DMXL1: variants seen among roughly 807,000 people sequenced by gnomAD.
DMXL1 encodes the protein Dmx like 1.
A neutral mutation model predicts 319.2 loss-of-function variants in DMXL1; 99 were observed. The observed-to-expected ratio is 0.31, with a 90% CI of 0.26 to 0.37. The LOEUF (loss-of-function observed/expected upper bound fraction) is 0.37. Among genes scored for constraint, DMXL1 ranks in the 10% least tolerant of loss-of-function variants. DMXL1 has a pLI of 1.00. For synonymous variants in DMXL1, 1,385 were observed against 1,235.2 expected (o/e 1.12, Z -2.54); for missense variants, 3,745 against 3,595.6 (o/e 1.04, Z -1.06).
chr5:119,133,166 T>C lies in DMXL1; in HGVS notation c.1350T>C (p.Asn450=). ...TDDGVDDLKI[N]PEKKELGCDK... ...ATGGTGTTGATGATCTGAAAATAAA[T>C]CCCGAAAAGAAGGAATTAGGCTGTG... Residue 450 remains asparagine (N), a synonymous_variant, in exon 11 of 44, where the codon AAT becomes AAC. Coordinates refer to ENST00000539542, the MANE Select transcript of DMXL1 (RefSeq NM_001290321.3). 6.2e-7 allele frequency: 1 copy of C among 1,614,112 alleles called. No homozygotes were observed. The highest frequency in any genetic ancestry group is 1.3e-5 in the African/African-American group (1 of 75,044).
intron 19 of DMXL1, among the ~76,000 whole-genome samples, chr5:119,153,342 C>G (rs1232562222): frequency 1.3e-5 from 2 of 152,016 alleles, no homozygotes; most frequent in Non-Finnish European, 2.9e-5. Context: ...TTATAGGGTA[C>G]AAAGTAATGT....
intron 19 of DMXL1, among the ~76,000 whole-genome samples, chr5:119,163,236 A>G (rs982020397): frequency 3.9e-5 from 6 of 152,152 alleles, no homozygotes; most frequent in African/African-American, 1.4e-4. Flanking sequence ...GATTATTTGC[A>G]TTTTTTACAT....
chr5:119,114,776 C>G (rs1472258946), intron 6 of DMXL1, among the ~76,000 whole-genome samples: 1 of 152,142 alleles, frequency 6.6e-6, no homozygotes, highest in African/African-American at 2.4e-5. Context: ...TAAAGCGATT[C>G]TCCTGCCTCA....
chr5:119,146,352 C>G (rs1768531046), intron 15 of DMXL1, among the ~76,000 whole-genome samples: 1 of 151,830 alleles, frequency 6.6e-6, no homozygotes, highest in Non-Finnish European at 1.5e-5. Context: ...AACTCGTGTG[C>G]TGTTTATGCA....
At chr5:119,152,165 A>G (rs1769946691) in intron 19 of DMXL1, 129 bp downstream of exon 19, 1 of 614,320 alleles carries the variant, frequency 1.6e-6, no homozygotes, top group Non-Finnish European at 2.8e-6. Context: ...AGTTTCCTTT[A>G]TTTGTTAAAA....
Position 119,110,218 on chromosome 5 carries a change from T to G in DMXL1, c.432T>G (p.Thr144=). Reference sequence around the variant, plus strand: ...CCAATACTAACTTGGAGAAGCCAACTGAAGATGAAAATTTAAATAAAACAG... The same window carrying G: ...CCAATACTAACTTGGAGAAGCCAACGGAAGATGAAAATTTAAATAAAACAG... ...LWSNTNLEKP[T]EDENLNKTDL... is the part of the protein sequence containing the mutation. Residue 144 remains threonine (T), a synonymous_variant, in exon 5 of 44, where the codon ACT becomes ACG. Transcript: ENST00000539542. The G allele has an allele frequency of 6.3e-7, 1 of 1,588,712 alleles. No individual in the cohort carries two copies. Among genetic ancestry groups the G allele is most frequent in the Non-Finnish European group, 8.5e-7 (1 of 1,173,310 alleles).
intron 34 of DMXL1, among the ~76,000 whole-genome samples, chr5:119,212,644 A>G (rs1011948686): frequency 4.6e-5 from 7 of 152,210 alleles, no homozygotes; most frequent in Admixed American, 3.3e-4. Flanking sequence ...TTTTAGCGTT[A>G]ATATTTGGAT....
chr5:119,110,142 T>A lies in DMXL1; in HGVS notation c.365-9T>A, dbSNP rs750634781. On this transcript the variant is annotated splice_polypyrimidine_tract_variant and intron_variant, in intron 4 of 43. Coordinates refer to ENST00000539542, the MANE Select transcript of DMXL1 (RefSeq NM_001290321.3). Reference sequence around the variant, plus strand: ...CTAAATAATAAATGAGGAATAATATTTTTTTTAGGCAGTCGTCTTTTAACT... The same window carrying A: ...CTAAATAATAAATGAGGAATAATATATTTTTTAGGCAGTCGTCTTTTAACT... 9 of 1,587,478 alleles carry A rather than the reference T, an allele frequency of 5.7e-6. No individual in the cohort carries two copies. In the South Asian group the frequency reaches 5.8e-5, roughly 10 times the overall value.
chr5:119,101,858 G>A (rs182716819), intron 2 of DMXL1, 77 bp from the exon 3 acceptor site: 1 of 902,064 alleles, frequency 1.1e-6, no homozygotes, highest in African/African-American at 1.7e-5. Context: ...TAAAGTTATA[G>A]TATTCATTTC....
intron 28 of DMXL1, among the ~76,000 whole-genome samples, chr5:119,187,263 C>A (rs1581217353): frequency 6.6e-6 from 1 of 152,108 alleles, no homozygotes; most frequent in South Asian, 2.1e-4. Context: ...ATACTATTTT[C>A]TTTCTTCTGT....
intron 4 of DMXL1, among the ~76,000 whole-genome samples, chr5:119,106,578 T>G (rs1014545638): frequency 9.9e-5 from 15 of 152,176 alleles, no homozygotes; most frequent in African/African-American, 3.4e-4. Flanking sequence ...TGCTAAAAAT[T>G]TGAATTTAAT....
At chr5:119,073,974 A>G (rs1391702123) in intron 1 of DMXL1, among the ~76,000 whole-genome samples, 3 of 151,170 alleles carry the variant, frequency 2.0e-5, no homozygotes, top group African/African-American at 7.3e-5. Context: ...GCTGGAGTGC[A>G]ATGGCGCGAT....
chr5:119,237,276 C>T, intron 39 of DMXL1, 46 bp from the exon 40 acceptor site: 2 of 1,165,802 alleles, frequency 1.7e-6, no homozygotes, highest in South Asian at 2.9e-5. Flanking sequence ...TAAATATATG[C>T]TTTTATATTT....
At chr5:119,107,371 A>T (rs947928856) in intron 4 of DMXL1, among the ~76,000 whole-genome samples, 3 of 152,098 alleles carry the variant, frequency 2.0e-5, no homozygotes, top group Non-Finnish European at 4.4e-5. Flanking sequence ...TATCTTTGAG[A>T]CATAGAAGTC....
chr5:119,155,094 A>G (rs1770701547), intron 19 of DMXL1, among the ~76,000 whole-genome samples: 1 of 152,242 alleles, frequency 6.6e-6, no homozygotes, highest in Admixed American at 6.5e-5. Context: ...GCTGTTATTG[A>G]CAGTGACCTG....
chr5:119,078,581 G>T (rs1470135980), intron 1 of DMXL1, among the ~76,000 whole-genome samples: 2 of 152,156 alleles, frequency 1.3e-5, no homozygotes, highest in Non-Finnish European at 1.5e-5. Flanking sequence ...CTCCCAAGTA[G>T]CTGGGACCAC....
At chr5:119,118,663 C>G (rs1761370875) in intron 7 of DMXL1, 152 bp from the exon 8 acceptor site, 1 of 515,594 alleles carries the variant, frequency 1.9e-6, no homozygotes, top group South Asian at 3.8e-5. Flanking sequence ...AATAGGTTGG[C>G]AAGCATTTGC....
Position 119,071,373 on chromosome 5 carries a change from C to T in DMXL1, c.-197C>T, listed in dbSNP as rs1380895569. 9 of 563,548 alleles carry T rather than the reference C, an allele frequency of 1.6e-5. No homozygotes were observed. The highest frequency in any genetic ancestry group is 1.3e-4 in the South Asian group (6 of 47,368). 34.9% of individuals were successfully genotyped at this position (563,548 alleles called of 1,614,324 possible). ...GCTCCGCCCTCTCGCCGACCCGCCC[C>T]CTCCGGGCCTCGCCCTCCGGGGCTC... On this transcript the variant is annotated 5_prime_UTR_variant, in exon 1 of 44. Coordinates refer to ENST00000539542, the MANE Select transcript of DMXL1 (RefSeq NM_001290321.3).
chr5:119,202,881 A>ATT (rs1554139411), intron 32 of DMXL1, among the ~76,000 whole-genome samples: 1,118 of 89,176 alleles, frequency 0.013, 5 homozygotes, highest in Admixed American at 0.021. Context: ...ATATATATAT[A>ATT]TTTTTATATA....
Sources: allele counts gnomAD v4.1 joint callset (sites outside exome capture counted in the v4.1 genomes callset), GRCh38; gene constraint gnomAD v4.1.1; transcripts MANE v1.5; gene names NCBI Gene and HGNC (gene_info 2026-07-23, HGNC 2026-07-21).